The following FRMD4A variants were observed in gnomAD, a reference collection of about 807,000 sequenced individuals.
FRMD4A encodes the protein FERM domain containing 4A, also known as FERM domain-containing protein 4A.
Under a neutral mutation model 129.1 loss-of-function variants are expected in FRMD4A, and 29 were observed. The ratio of observed to expected loss-of-function variants is 0.22; its 90% CI spans 0.17 to 0.31. The LOEUF (loss-of-function observed/expected upper bound fraction) is 0.31, where lower values mean the gene tolerates loss of function less well. Ranked by LOEUF, FRMD4A falls within the 10% of genes least tolerant of loss-of-function variation. FRMD4A has a pLI of 1.00. For synonymous variants in FRMD4A, 634 were observed against 571.6 expected, an observed-to-expected ratio of 1.11 and a Z score of -1.56; for missense variants, 1,272 against 1,375.8, an observed-to-expected ratio of 0.92 and a Z score of 1.19.
chr10:14,137,653 C>T (rs1839609070), intron 2 of FRMD4A, among the ~76,000 whole-genome samples: 2 of 152,148 alleles, frequency 1.3e-5, no homozygotes, highest in Admixed American at 6.5e-5. Context: ...AACACCTCCC[C>T]CACCCCAGTT....
Position 13,846,017 on chromosome 10 carries a change from C to G in FRMD4A, c.111+12830G>C, listed in dbSNP as rs1047281490. 1.3e-5 allele frequency among the ~76,000 whole-genome samples: 2 copies of G among 152,110 alleles called. 1 individual carries two copies. Among genetic ancestry groups the G allele is most frequent in the Admixed American group, 1.3e-4 (2 of 15,264 alleles). ...AATAAGTTACTTTACTTCTCTGTGC[C>G]CCAATTTCCTCATCTGAAAAAATGG... On this transcript the variant is annotated intron_variant, in intron 3 of 24. Transcript: ENST00000357447.
intron 2 of FRMD4A, among the ~76,000 whole-genome samples, chr10:14,211,489 T>C (rs1414408940): frequency 6.6e-6 from 1 of 152,226 alleles, no homozygotes; most frequent in Non-Finnish European, 1.5e-5. Context: ...GGTTCAGGTA[T>C]TTCTACAGAA....
intron 2 of FRMD4A, among the ~76,000 whole-genome samples, chr10:14,180,580 A>C (rs1358175041): frequency 6.6e-6 from 1 of 152,236 alleles, no homozygotes; most frequent in Non-Finnish European, 1.5e-5. Context: ...CCCAGCCTAC[A>C]TCAGCAAAAC....
intron 5 of FRMD4A, 72 bp downstream of exon 5, chr10:13,796,424 T>C (rs1307357179): frequency 1.3e-6 from 1 of 788,254 alleles, no homozygotes; most frequent in Non-Finnish European, 2.3e-6. Context: ...TTCCTTGGAA[T>C]CACTCTGCCC....
chr10:13,906,836 G>C (rs1462394600), intron 2 of FRMD4A, among the ~76,000 whole-genome samples: 1 of 152,198 alleles, frequency 6.6e-6, no homozygotes, highest in Non-Finnish European at 1.5e-5. Context: ...TAACTTAGGA[G>C]TGAATTCAAA....
chr10:13,805,190 C>G lies in FRMD4A; in HGVS notation c.206+5624G>C, dbSNP rs558964373. 2.0e-5 allele frequency among the ~76,000 whole-genome samples: 3 copies of G among 151,770 alleles called. No individual in the cohort carries two copies. In the South Asian group the frequency reaches 6.3e-4, roughly 32 times the overall value. ...ATGGGGTCTTGCTCTGTTGCCCAGG[C>G]AGGAGAGCAGTGGCGCAATCATAGC... On this transcript the variant is annotated intron_variant, in intron 4 of 24. Coordinates refer to ENST00000357447, the MANE Select transcript of FRMD4A (RefSeq NM_018027.5).
At chr10:13,712,504 A>C (rs1245300050) in intron 12 of FRMD4A, among the ~76,000 whole-genome samples, 1 of 150,588 alleles carries the variant, frequency 6.6e-6, no homozygotes, top group Non-Finnish European at 1.5e-5. Context: ...ACACAGTGAG[A>C]CTCCATTTCA....
At position 14,296,932 on chromosome 10, in the gene FRMD4A, G is replaced by C. The variant is rs1173816506; in HGVS notation, c.45+33126C>G. Among the ~76,000 whole-genome samples, 3 of 152,134 alleles carry C rather than the reference G, an allele frequency of 2.0e-5. 1 individual carries two copies. Among genetic ancestry groups the C allele is most frequent in the South Asian group, 4.2e-4 (2 of 4,814 alleles). On this transcript the variant is annotated intron_variant, in intron 2 of 24. Coordinates refer to ENST00000357447, the MANE Select transcript of FRMD4A (RefSeq NM_018027.5). ...TCCAGTCCTTCCTTCTGTGCCAGGG[G>C]AGACAACATCAGTAAATCACAGAAC... is the stretch of plus-strand genomic sequence containing the variant.
At chr10:14,069,854 T>C (rs946512634) in intron 2 of FRMD4A, among the ~76,000 whole-genome samples, 1 of 152,256 alleles carries the variant, frequency 6.6e-6, no homozygotes, top group African/African-American at 2.4e-5. Flanking sequence ...ACAGCTTTTA[T>C]AGAGAATTCT....
At position 14,328,296 on chromosome 10, in the gene FRMD4A, G is replaced by A. The variant is rs548186638; in HGVS notation, c.45+1762C>T. On this transcript the variant is annotated intron_variant, in intron 2 of 24. Coordinates refer to ENST00000357447, the MANE Select transcript of FRMD4A (RefSeq NM_018027.5). ...ACAAATGGAAGGTGAAGTCTGAGAT[G>A]TAGACACTACCAGGACAGCAGCCAT... Among the ~76,000 whole-genome samples the A allele has an allele frequency of 1.9e-4, 28 of 144,432 alleles. 1 individual carries two copies. In the East Asian group the frequency reaches 2.7e-3, roughly 14 times the overall value. 94.8% of individuals were successfully genotyped at this position (144,432 alleles called of 152,430 possible).
intron 8 of FRMD4A, among the ~76,000 whole-genome samples, chr10:13,760,705 G>A (rs913983512): frequency 8.5e-5 from 13 of 152,244 alleles, no homozygotes; most frequent in South Asian, 2.1e-4. Context: ...AAACAGACAG[G>A]TTCTTAGATG....
intron 2 of FRMD4A, among the ~76,000 whole-genome samples, chr10:13,931,019 T>C (rs1207504553): frequency 6.6e-6 from 1 of 152,136 alleles, no homozygotes; most frequent in African/African-American, 2.4e-5. Flanking sequence ...ACTTTCTGTA[T>C]AGATGAGATA....
intron 2 of FRMD4A, among the ~76,000 whole-genome samples, chr10:14,060,155 A>C (rs1023643765): frequency 9.2e-5 from 14 of 152,236 alleles, no homozygotes; most frequent in Non-Finnish European, 1.8e-4. Context: ...TTTAATTATC[A>C]CATACAATAC....
intron 3 of FRMD4A, among the ~76,000 whole-genome samples, chr10:13,829,174 G>T (rs550678604): frequency 6.6e-6 from 1 of 152,268 alleles, no homozygotes; most frequent in African/African-American, 2.4e-5. Context: ...AGGAGTGAAT[G>T]GTGAGGTGGA....
At position 14,268,061 on chromosome 10, in the gene FRMD4A, A is replaced by G. The variant is rs549663508; in HGVS notation, c.45+61997T>C. ...TGTTGCAGGCATCAAATGGGATAGT[A>G]TATGCCAGAGTGCTCTGGAACATGA... On this transcript the variant is annotated intron_variant, in intron 2 of 24. Transcript: ENST00000357447. 8.3e-4 allele frequency among the ~76,000 whole-genome samples: 127 copies of G among 152,372 alleles called. 1 individual carries two copies. The highest frequency in any genetic ancestry group is 2.9e-3 in the African/African-American group (120 of 41,598).
chr10:14,143,802 T>C (rs1839951675), intron 2 of FRMD4A, among the ~76,000 whole-genome samples: 1 of 152,006 alleles, frequency 6.6e-6, no homozygotes, highest in African/African-American at 2.4e-5. Flanking sequence ...TTTGTAGAGA[T>C]GGGGTTTCGT....
chr10:14,255,697 A>T (rs1824434887), intron 2 of FRMD4A, among the ~76,000 whole-genome samples: 1 of 152,122 alleles, frequency 6.6e-6, no homozygotes, highest in Non-Finnish European at 1.5e-5. Context: ...GACTAGAAGA[A>T]AAAAATTGAG....
chr10:13,777,189 A>C (rs1361483017), intron 6 of FRMD4A, among the ~76,000 whole-genome samples: 3 of 152,128 alleles, frequency 2.0e-5, no homozygotes, highest in Non-Finnish European at 2.9e-5. Context: ...TGATCTTTAC[A>C]CTGACACAGG....
chr10:14,070,713 ATCTT>A (rs1358130819), intron 2 of FRMD4A, among the ~76,000 whole-genome samples: 1 of 152,190 alleles, frequency 6.6e-6, no homozygotes, highest in Non-Finnish European at 1.5e-5. Flanking sequence ...TTTATTTAAC[ATCTT>A]TCTATTAAGT....
Sources: gnomAD v4.1 joint callset for allele counts (sites outside exome capture counted in the v4.1 genomes callset) on GRCh38, gnomAD v4.1.1 for gene constraint, MANE v1.5 for transcripts, NCBI Gene and HGNC (gene_info 2026-07-23, HGNC 2026-07-21) for gene names.